Variants in CELF2 observed in about 807,000 individuals in gnomAD.
The protein encoded by CELF2 is CUG triplet repeat RNA-binding protein 2.
CELF2 carries 8 observed loss-of-function variants against 62.6 expected under a neutral mutation model. That is an observed-to-expected ratio of 0.13 (90% CI 0.07 to 0.23). The LOEUF (loss-of-function observed/expected upper bound fraction) is 0.23. Ranked by LOEUF, CELF2 falls within the 10% of genes least tolerant of loss-of-function variation. CELF2 has a pLI of 1.00. For missense variants in CELF2, 333 were observed against 671.0 expected (o/e 0.50, Z 5.56); for synonymous variants, 258 against 250.0 (o/e 1.03, Z -0.30).
At chr10:10,464,951 G>C in the CELF2 span, among the ~76,000 whole-genome samples, 284 of 152,198 alleles carry the variant, frequency 1.9e-3, no homozygotes, top group African/African-American at 6.7e-3. Flanking sequence ...TGACATTACA[G>C]GCTCAAGAGA....
intron 1 of CELF2, among the ~76,000 whole-genome samples, chr10:11,108,647 T>G (rs971398385): frequency 1.1e-4 from 16 of 152,198 alleles, no homozygotes; most frequent in African/African-American, 3.9e-4. Flanking sequence ...AGATCCTTTC[T>G]GGGATGACTG....
In CELF2 at chr10:11,165,765, G is replaced by A; in HGVS notation, c.271+83G>A. On this transcript the variant is annotated intron_variant, in intron 2 of 12. Coordinates refer to ENST00000633077, the MANE Select transcript of CELF2 (RefSeq NM_001326342.2). The surrounding 1 kb of genome is among the most constrained non-coding windows in gnomAD (Gnocchi z 7.4). ...GGCTGTCCGAGCCCCCAGCCTGCAG[G>A]AGGAAGGGCGGGTAGGCAGGAGGGC... is the stretch of plus-strand genomic sequence containing the variant. 7.5e-7 allele frequency: 1 copy of A among 1,325,308 alleles called. No individual in the cohort carries two copies. The highest frequency in any genetic ancestry group is 1.0e-6 in the Non-Finnish European group (1 of 977,748). 82.1% of individuals were successfully genotyped at this position (1,325,308 alleles called of 1,614,324 possible).
chr10:11,085,931 C>G (rs966819301), intron 1 of CELF2, among the ~76,000 whole-genome samples: 1 of 152,106 alleles, frequency 6.6e-6, no homozygotes, highest in African/African-American at 2.4e-5. Context: ...TGTGCCTCAA[C>G]GGCCCATCTG....
At chr10:10,672,268 T>A in the CELF2 span, among the ~76,000 whole-genome samples, 8 of 152,224 alleles carry the variant, frequency 5.3e-5, no homozygotes, top group Non-Finnish European at 1.2e-4. Context: ...TCATCTAATA[T>A]TCCTTTCAAG....
chr10:10,481,524 C>T, the CELF2 span, among the ~76,000 whole-genome samples: 1 of 152,156 alleles, frequency 6.6e-6, no homozygotes, highest in African/African-American at 2.4e-5. Context: ...ATCAACTTCC[C>T]CACACTCCAT....
At chr10:10,722,794 A>G in the CELF2 span, among the ~76,000 whole-genome samples, 1 of 152,202 alleles carries the variant, frequency 6.6e-6, no homozygotes, top group African/African-American at 2.4e-5. Flanking sequence ...AGTTATCACT[A>G]TATTTCCAGA....
chr10:10,511,006 G>A, the CELF2 span, among the ~76,000 whole-genome samples: 1 of 152,252 alleles, frequency 6.6e-6, no homozygotes, highest in Non-Finnish European at 1.5e-5. Context: ...GCATCAGCAG[G>A]CTCTGTGGGC....
chr10:10,818,205 C>A (rs565112565), intron 1 of CELF2, among the ~76,000 whole-genome samples: 3 of 152,118 alleles, frequency 2.0e-5, no homozygotes, highest in Non-Finnish European at 4.4e-5. Context: ...TGTGTTAATA[C>A]GCATTCACAA....
the CELF2 span, among the ~76,000 whole-genome samples, chr10:10,564,708 A>G: frequency 6.9e-6 from 1 of 145,004 alleles, no homozygotes. Context: ...ACACACACAC[A>G]CTTTCTCCAC....
the CELF2 span, among the ~76,000 whole-genome samples, chr10:10,471,584 A>G: frequency 6.6e-6 from 1 of 151,872 alleles, no homozygotes; most frequent in East Asian, 1.9e-4. Context: ...TTCCAAAAGT[A>G]TATTTCCATT....
chr10:11,201,356 G>A (rs1052276315), intron 2 of CELF2, among the ~76,000 whole-genome samples: 1 of 152,158 alleles, frequency 6.6e-6, no homozygotes, highest in Admixed American at 6.5e-5. Context: ...TCCTCCATGT[G>A]GTGATGCAGG....
At chr10:10,542,947 G>T in the CELF2 span, among the ~76,000 whole-genome samples, 1 of 152,162 alleles carries the variant, frequency 6.6e-6, no homozygotes, top group Non-Finnish European at 1.5e-5. Flanking sequence ...CCAGGCCATT[G>T]TCAGTCTGTA....
chr10:10,502,319 T>G, the CELF2 span, among the ~76,000 whole-genome samples: 2 of 152,114 alleles, frequency 1.3e-5, no homozygotes, highest in African/African-American at 4.8e-5. Context: ...TTGGAAGAGA[T>G]TGTGTAGAAT....
At chr10:10,473,284 C>T in the CELF2 span, among the ~76,000 whole-genome samples, 7 of 151,880 alleles carry the variant, frequency 4.6e-5, no homozygotes, top group African/African-American at 1.7e-4. Context: ...AGTTACATGC[C>T]ACTGCAAGCC....
In CELF2 at chr10:11,306,199, TG is replaced by T. The variant is rs1481348605; in HGVS notation, c.977-7938del. ...TTTGTTCTGCCTCCTCCTGCTTGGA[TG>T]GTGCAGCCTCTGCTTGAAGAGGTGT... On this transcript the variant is annotated intron_variant, in intron 9 of 12. Transcript: ENST00000633077. The surrounding 1 kb of genome is among the most constrained non-coding windows in gnomAD (Gnocchi z 4.4). Among the ~76,000 whole-genome samples, 3 of 152,054 alleles carry T rather than the reference TG, an allele frequency of 2.0e-5. No individual in the cohort carries two copies. The highest frequency in any genetic ancestry group is 4.4e-5 in the Non-Finnish European group (3 of 68,014).
the CELF2 span, among the ~76,000 whole-genome samples, chr10:10,642,088 G>A: frequency 6.6e-6 from 1 of 152,164 alleles, no homozygotes; most frequent in East Asian, 1.9e-4. Context: ...AAAAAACAAG[G>A]CCATCATGGG....
chr10:10,954,239 T>G (rs1194991031), intron 2 of CELF2, among the ~76,000 whole-genome samples: 1 of 147,362 alleles, frequency 6.8e-6, no homozygotes, highest in Non-Finnish European at 1.5e-5. Context: ...ATTATTATTA[T>G]TATTATTATT....
the CELF2 span, among the ~76,000 whole-genome samples, chr10:10,714,186 T>C: frequency 2.0e-5 from 3 of 152,206 alleles, no homozygotes; most frequent in Admixed American, 2.0e-4. Context: ...CTAGAAAATG[T>C]GAAATTCCCT....
intron 1 of CELF2, chr10:11,102,278 A>T (rs1034554436): frequency 2.0e-5 from 3 of 152,232 alleles, no homozygotes; most frequent in Admixed American, 6.5e-5. Context: ...ATTTCAAGAT[A>T]CTTGCCCGAC....
Sources: allele counts gnomAD v4.1 joint callset (sites outside exome capture counted in the v4.1 genomes callset), GRCh38; gene constraint gnomAD v4.1.1; non-coding constraint Gnocchi (gnomAD v3.1); transcripts MANE v1.5; gene names NCBI Gene and HGNC (gene_info 2026-07-23, HGNC 2026-07-21).